The following TRIM44 variants were observed in gnomAD, a reference collection of about 807,000 sequenced individuals.
The protein encoded by TRIM44 is tripartite motif containing 44.
A neutral mutation model predicts 37.4 loss-of-function variants in TRIM44; 13 were observed. That is an observed-to-expected ratio of 0.35 (90% CI 0.23 to 0.55). TRIM44 has a LOEUF of 0.55. TRIM44 is among the 20% of genes least tolerant of loss of function. The pLI is 0.89. For synonymous variants in TRIM44, 175 were observed against 157.2 expected (o/e 1.11, Z -0.85); for missense variants, 426 against 437.2 (o/e 0.97, Z 0.23).
chr11:35,772,404 C>G (rs1852885870), intron 4 of TRIM44, among the ~76,000 whole-genome samples: 1 of 152,190 alleles, frequency 6.6e-6, no homozygotes, highest in Admixed American at 6.5e-5. Context: ...TCACCGACAG[C>G]TTGCACCATG....
chr11:35,728,964 C>T (rs1852219365), intron 3 of TRIM44, among the ~76,000 whole-genome samples: 1 of 152,116 alleles, frequency 6.6e-6, no homozygotes, highest in Admixed American at 6.6e-5. Context: ...CTATTTTACT[C>T]CTTTCACTTA....
intron 2 of TRIM44, among the ~76,000 whole-genome samples, chr11:35,692,935 AG>A: frequency 6.6e-6 from 1 of 151,964 alleles, no homozygotes; most frequent in East Asian, 1.9e-4. Context: ...AAAAAAAAAA[AG>A]AAAAAGAAAA....
At chr11:35,750,246 C>T (rs367918339) in intron 4 of TRIM44, among the ~76,000 whole-genome samples, 49 of 152,068 alleles carry the variant, frequency 3.2e-4, no homozygotes, top group African/African-American at 1.0e-3. Flanking sequence ...GTTTTCATGG[C>T]GCTTACCACA....
At position 35,707,195 on chromosome 11, in the gene TRIM44, C is replaced by G. The variant is rs572935614; in HGVS notation, c.748-18729C>G. Among the ~76,000 whole-genome samples, 387 of 152,244 alleles carry G rather than the reference C, an allele frequency of 2.5e-3. 2 individuals carry two copies. The highest frequency in any genetic ancestry group is 9.1e-3 in the African/African-American group (378 of 41,546). The stretch of plus-strand genomic sequence containing the variant: ...CAAAGAGAATACAATACCTAGGAAT[C>G]CAACTTACAAGGGACGTGAAGGACC... On this transcript the variant is annotated intron_variant, in intron 2 of 4. Coordinates refer to ENST00000299413, the MANE Select transcript of TRIM44 (RefSeq NM_017583.6).
chr11:35,773,285 TA>T (rs112799387), intron 4 of TRIM44, among the ~76,000 whole-genome samples: 22 of 152,240 alleles, frequency 1.4e-4, no homozygotes, highest in African/African-American at 4.6e-4. Context: ...GCCTTTTTTT[TA>T]AAGAAGTATC....
At chr11:35,769,972 G>A (rs920268096) in intron 4 of TRIM44, among the ~76,000 whole-genome samples, 1 of 151,988 alleles carries the variant, frequency 6.6e-6, no homozygotes, top group African/African-American at 2.4e-5. Context: ...TTAATATATT[G>A]CATGATGCTG....
intron 1 of TRIM44, among the ~76,000 whole-genome samples, chr11:35,680,425 G>A (rs1010937020): frequency 6.6e-6 from 1 of 151,594 alleles, no homozygotes; most frequent in Non-Finnish European, 1.5e-5. Flanking sequence ...ACTGTTACAT[G>A]TACCATTTTG....
chr11:35,666,920 G>A (rs1447000152), intron 1 of TRIM44, among the ~76,000 whole-genome samples: 2 of 152,050 alleles, frequency 1.3e-5, no homozygotes, highest in Admixed American at 6.6e-5. Flanking sequence ...TATTATGTGT[G>A]AAGAGAGATA....
chr11:35,712,319 A>G (rs1851984883), intron 2 of TRIM44, among the ~76,000 whole-genome samples: 1 of 152,208 alleles, frequency 6.6e-6, no homozygotes, highest in Admixed American at 6.5e-5. Context: ...AAGAAAAATA[A>G]AGAAGTTATT....
chr11:35,666,467 A>G (rs1851333546), intron 1 of TRIM44, among the ~76,000 whole-genome samples: 1 of 152,222 alleles, frequency 6.6e-6, no homozygotes, highest in Admixed American at 6.5e-5. Flanking sequence ...AATTAATATC[A>G]TTACAACATG....
chr11:35,785,385 C>CT (rs1229563954), intron 4 of TRIM44, among the ~76,000 whole-genome samples: 1 of 152,216 alleles, frequency 6.6e-6, no homozygotes, highest in African/African-American at 2.4e-5. Flanking sequence ...ACCTAGAAGC[C>CT]TTTTTGAAAG....
At chr11:35,740,590 G>A (rs774042246) in intron 4 of TRIM44, among the ~76,000 whole-genome samples, 9 of 152,270 alleles carry the variant, frequency 5.9e-5, no homozygotes, top group Non-Finnish European at 1.0e-4. Flanking sequence ...GACCCATACC[G>A]ATTCTGCGAT....
intron 2 of TRIM44, among the ~76,000 whole-genome samples, chr11:35,710,105 G>C (rs1286196909): frequency 1.3e-5 from 2 of 152,168 alleles, no homozygotes; most frequent in South Asian, 4.1e-4. Flanking sequence ...TGGGATTGGC[G>C]AAGACTCAGT....
chr11:35,674,466 C>T (rs1851437531), intron 1 of TRIM44, among the ~76,000 whole-genome samples: 1 of 152,148 alleles, frequency 6.6e-6, no homozygotes, highest in East Asian at 1.9e-4. Context: ...ACTCTATGGG[C>T]AGTGACTTTG....
rs1853458572 is a variant in TRIM44, at chr11:35,806,856, G to A, written c.*471G>A. ...GCAAGGTAGGGCCAAATTAACTCTTGTGGACAGTCCCTAAAAGTCCAGTTC... is the reference window on the plus strand; with the variant it reads ...GCAAGGTAGGGCCAAATTAACTCTTATGGACAGTCCCTAAAAGTCCAGTTC... On this transcript the variant is annotated 3_prime_UTR_variant, in exon 5 of 5. Transcript: ENST00000299413. 1 of 156,062 alleles carries A rather than the reference G, an allele frequency of 6.4e-6. No homozygotes were observed. The highest frequency in any genetic ancestry group is 1.4e-5 in the Non-Finnish European group (1 of 70,244). 9.7% of individuals were successfully genotyped at this position (156,062 alleles called of 1,614,324 possible). A position where few individuals can be genotyped will look rare whatever the true frequency, so the allele number is the denominator to read the frequency against.
chr11:35,744,116 G>C (rs1852453425), intron 4 of TRIM44, among the ~76,000 whole-genome samples: 1 of 152,188 alleles, frequency 6.6e-6, no homozygotes, highest in African/African-American at 2.4e-5. Context: ...AATTATCTCA[G>C]AGTACCTGTA....
intron 4 of TRIM44, among the ~76,000 whole-genome samples, chr11:35,759,492 T>C (rs1446145489): frequency 2.6e-5 from 4 of 152,228 alleles, no homozygotes; most frequent in African/African-American, 9.6e-5. Flanking sequence ...AGCCTTCTTC[T>C]CTCAACTCGT....
At chr11:35,674,754 CA>C (rs1851440552) in intron 1 of TRIM44, among the ~76,000 whole-genome samples, 1 of 152,140 alleles carries the variant, frequency 6.6e-6, no homozygotes, top group South Asian at 2.1e-4. Context: ...GAAGAATAAG[CA>C]AAGTTTCTAA....
intron 4 of TRIM44, among the ~76,000 whole-genome samples, chr11:35,773,915 A>G (rs1028433217): frequency 6.6e-6 from 1 of 152,230 alleles, no homozygotes; most frequent in African/African-American, 2.4e-5. Context: ...TATTGTGAAT[A>G]GTGCCACAAT....
Sources: gnomAD v4.1 joint callset for allele counts (sites outside exome capture counted in the v4.1 genomes callset) on GRCh38, gnomAD v4.1.1 for gene constraint, MANE v1.5 for transcripts, NCBI Gene and HGNC (gene_info 2026-07-23, HGNC 2026-07-21) for gene names.